The following BTRC variants were observed in gnomAD, a reference collection of about 807,000 sequenced individuals.
The protein encoded by BTRC is beta-transducin repeat containing E3 ubiquitin protein ligase.
BTRC carries 42 observed loss-of-function variants against 85.5 expected under a neutral mutation model. The ratio of observed to expected loss-of-function variants is 0.49; its 90% CI spans 0.38 to 0.64. The LOEUF is 0.64. Among genes scored for constraint, BTRC ranks in the 30% least tolerant of loss-of-function variants. The probability of loss-of-function intolerance (pLI) is 0.00; values close to 1 mark genes in which losing one functional copy is unlikely to be tolerated. For missense variants in BTRC, 594 were observed against 743.5 expected (o/e 0.80, Z 2.34); for synonymous variants, 255 against 263.3 (o/e 0.97, Z 0.30).
chr10:101,472,867 T>G (rs1298998771), intron 3 of BTRC, among the ~76,000 whole-genome samples: 1 of 152,190 alleles, frequency 6.6e-6, no homozygotes, highest in Non-Finnish European at 1.5e-5. Flanking sequence ...TTTCCTTGGC[T>G]CCGTTCAAGG....
intron 4 of BTRC, among the ~76,000 whole-genome samples, chr10:101,488,548 A>G (rs1044615289): frequency 2.6e-5 from 4 of 152,142 alleles, no homozygotes; most frequent in African/African-American, 9.7e-5. Context: ...AATGAGCAAA[A>G]TTTTCTGAGC....
intron 1 of BTRC, among the ~76,000 whole-genome samples, chr10:101,413,432 G>T (rs1003876325): frequency 6.6e-6 from 1 of 152,234 alleles, no homozygotes; most frequent in Non-Finnish European, 1.5e-5. Flanking sequence ...TCCTGGCTCA[G>T]CCTCCCGAGT....
intron 1 of BTRC, among the ~76,000 whole-genome samples, chr10:101,372,380 G>A (rs1364115259): frequency 6.7e-6 from 1 of 150,006 alleles, no homozygotes. Context: ...CCTCAGCCTC[G>A]AGTAGCTGGG....
At chr10:101,383,057 A>ATTTTTTTTTTTTTTTTTTTTTTTTTT (rs370353886) in intron 1 of BTRC, among the ~76,000 whole-genome samples, 1 of 116,516 alleles carries the variant, frequency 8.6e-6, no homozygotes, top group Non-Finnish European at 1.6e-5. Context: ...TTCCCTGGAG[A>ATTTTTTTTTTTTTTTTTTTTTTTTTT]TTTTTTTTTT....
intron 2 of BTRC, among the ~76,000 whole-genome samples, chr10:101,438,181 C>T (rs1160360582): frequency 2.0e-5 from 3 of 152,074 alleles, no homozygotes; most frequent in Non-Finnish European, 4.4e-5. Context: ...AATCCCAGCA[C>T]TTTGGGAGGC....
chr10:101,508,810 A>T (rs1946609075), intron 4 of BTRC, among the ~76,000 whole-genome samples: 1 of 148,782 alleles, frequency 6.7e-6, no homozygotes, highest in Non-Finnish European at 1.5e-5. Flanking sequence ...GCTACTGGGG[A>T]GGCTGAGGCA....
intron 4 of BTRC, among the ~76,000 whole-genome samples, chr10:101,519,836 A>G (rs898259520): frequency 9.2e-5 from 14 of 152,052 alleles, no homozygotes; most frequent in African/African-American, 3.4e-4. Flanking sequence ...TCTTTACTAA[A>G]AATACAGAAT....
intron 4 of BTRC, among the ~76,000 whole-genome samples, chr10:101,481,781 A>G (rs1251374191): frequency 1.3e-5 from 2 of 152,068 alleles, no homozygotes; most frequent in Non-Finnish European, 2.9e-5. Flanking sequence ...TCTGACACCT[A>G]TATCCTTTCG....
intron 4 of BTRC, among the ~76,000 whole-genome samples, chr10:101,494,957 C>T (rs1946223331): frequency 6.6e-6 from 1 of 152,140 alleles, no homozygotes; most frequent in African/African-American, 2.4e-5. Context: ...AGTTTACAAG[C>T]ATAGGAAGAG....
chr10:101,366,830 TTA>T lies in BTRC; in HGVS notation c.48+12610_48+12611del, dbSNP rs369863334. Among the ~76,000 whole-genome samples, 5 of 45,070 alleles carry T rather than the reference TTA, an allele frequency of 1.1e-4. 1 individual carries two copies. Among genetic ancestry groups the T allele is most frequent in the Non-Finnish European group, 2.5e-4 (5 of 19,760 alleles). The allele number at this position is 45,070 out of a possible 152,430, so 29.6% of individuals were successfully genotyped here. ...TATATTTATATATATTAATATATAT[TTA>T]TATATATTTATGTATATTAATATAT... On this transcript the variant is annotated intron_variant, in intron 1 of 14. Transcript: ENST00000370187.
intron 4 of BTRC, among the ~76,000 whole-genome samples, chr10:101,505,446 C>T (rs1165638207): frequency 6.6e-6 from 1 of 150,800 alleles, no homozygotes; most frequent in East Asian, 2.0e-4. Flanking sequence ...GGTGAAACCC[C>T]GTCTCTACTA....
intron 4 of BTRC, among the ~76,000 whole-genome samples, chr10:101,520,520 G>A (rs2134364383): frequency 6.6e-6 from 1 of 152,116 alleles, no homozygotes; most frequent in East Asian, 1.9e-4. Context: ...AGACTTCATG[G>A]GAAATACGGA....
At chr10:101,547,143 CA>C (rs2062570116) in intron 13 of BTRC, among the ~76,000 whole-genome samples, 1 of 152,056 alleles carries the variant, frequency 6.6e-6, no homozygotes, top group African/African-American at 2.4e-5. Flanking sequence ...AGGATAGTTT[CA>C]TTTACAACAG....
At chr10:101,496,250 C>A (rs1000589777) in intron 4 of BTRC, among the ~76,000 whole-genome samples, 22 of 151,996 alleles carry the variant, frequency 1.4e-4, no homozygotes, top group African/African-American at 5.3e-4. Context: ...GTATATTAAC[C>A]AGCAGAGGAA....
intron 1 of BTRC, 199 bp downstream of exon 1, chr10:101,354,427 C>T: frequency 1.7e-6 from 1 of 593,874 alleles, no homozygotes; most frequent in Non-Finnish European, 2.9e-6. Flanking sequence ...GGGGCAGCGG[C>T]TCCGCCATCT....
rs956436155 is a variant in BTRC at position 101,555,986 on chromosome 10, C to G, written c.*2863C>G. The G allele has an allele frequency of 6.6e-6, 1 of 152,200 alleles. No individual in the cohort carries two copies. The allele number at this position is 152,200 out of a possible 1,614,324, so 9.4% of individuals were successfully genotyped here. ...TTTCACTGCTGAGAACATCCTTTAA[C>G]TTGGTGTGCAATTTGAAAGGATGTG... On this transcript the variant is annotated 3_prime_UTR_variant, in exon 15 of 15. Coordinates refer to ENST00000370187, the MANE Select transcript of BTRC (RefSeq NM_033637.4).
In BTRC at chr10:101,424,515, T is replaced by G. The variant is rs115293909; in HGVS notation, c.49-5830T>G. 3.0e-3 allele frequency among the ~76,000 whole-genome samples: 461 copies of G among 152,330 alleles called. 3 individuals carry two copies. The highest frequency in any genetic ancestry group is 0.011 in the African/African-American group (443 of 41,582). The stretch of plus-strand genomic sequence containing the variant: ...CGTAAACTCTCAGTACAGCAATCTT[T>G]TTATTGTTGATTATTATAGCTTCTG... On this transcript the variant is annotated intron_variant, in intron 1 of 14. Transcript: ENST00000370187.
At chr10:101,369,220 T>A (rs1456544996) in intron 1 of BTRC, among the ~76,000 whole-genome samples, 1 of 143,188 alleles carries the variant, frequency 7.0e-6, no homozygotes, top group Non-Finnish European at 1.5e-5. Context: ...AGTATTATTA[T>A]TTTTTTTTTT....
chr10:101,391,893 T>G (rs1290248131), intron 1 of BTRC, among the ~76,000 whole-genome samples: 1 of 152,248 alleles, frequency 6.6e-6, no homozygotes, highest in Non-Finnish European at 1.5e-5. Context: ...GTTAGTTCAA[T>G]ATTATTTTTA....
Sources: allele counts gnomAD v4.1 joint callset (sites outside exome capture counted in the v4.1 genomes callset), GRCh38; gene constraint gnomAD v4.1.1; transcripts MANE v1.5; gene names NCBI Gene and HGNC (gene_info 2026-07-23, HGNC 2026-07-21).